The following ZHX2 variants were observed in gnomAD, a reference collection of about 807,000 sequenced individuals.
ZHX2 encodes the protein zinc fingers and homeoboxes protein 2.
A neutral mutation model predicts 21.9 loss-of-function variants in ZHX2; 6 were observed. The observed-to-expected ratio is 0.27, with a 90% CI of 0.15 to 0.54. The LOEUF (loss-of-function observed/expected upper bound fraction) is 0.54. Ranked by LOEUF, ZHX2 falls within the 20% of genes least tolerant of loss-of-function variation. The pLI is 0.95. For missense variants in ZHX2, 908 were observed against 1,090.7 expected (o/e 0.83, Z 2.36); for synonymous variants, 434 against 437.1 (o/e 0.99, Z 0.09).
intron 2 of ZHX2, among the ~76,000 whole-genome samples, chr8:122,884,459 C>T (rs1006348777): frequency 1.3e-5 from 2 of 152,228 alleles, no homozygotes; most frequent in Non-Finnish European, 2.9e-5. Flanking sequence ...GAAGAAAGTT[C>T]ATTGGGGTGG....
intron 2 of ZHX2, among the ~76,000 whole-genome samples, chr8:122,879,972 C>CTTTTTACCT (rs1819667225): frequency 7.9e-6 from 1 of 126,404 alleles, no homozygotes; most frequent in African/African-American, 2.9e-5. Flanking sequence ...CTATTGTTAC[C>CTTTTTACCT]TTTTTTTTTT....
At chr8:122,805,739 C>G (rs183118882) in intron 1 of ZHX2, among the ~76,000 whole-genome samples, 2,169 of 138,684 alleles carry the variant, frequency 0.016, 55 homozygotes, top group African/African-American at 0.054. Context: ...ATCGAAATTT[C>G]TAAGTTGTGT....
At chr8:122,934,599 G>GTTCCTTCC (rs1381878356) in intron 2 of ZHX2, among the ~76,000 whole-genome samples, 17 of 150,730 alleles carry the variant, frequency 1.1e-4, no homozygotes, top group Admixed American at 9.9e-4. Context: ...TGGGTGCAAA[G>GTTCCTTCC]TTCCTTCCTT....
intron 2 of ZHX2, among the ~76,000 whole-genome samples, chr8:122,944,294 C>G (rs911338920): frequency 6.6e-6 from 1 of 152,166 alleles, no homozygotes; most frequent in Non-Finnish European, 1.5e-5. Flanking sequence ...GTAGTCACAG[C>G]TGCTTTGCAG....
intron 1 of ZHX2, among the ~76,000 whole-genome samples, chr8:122,831,151 T>G (rs1383055970): frequency 6.6e-6 from 1 of 152,220 alleles, no homozygotes; most frequent in Non-Finnish European, 1.5e-5. Context: ...TCGGGAATGC[T>G]TCTACTTATC....
intron 1 of ZHX2, among the ~76,000 whole-genome samples, chr8:122,802,443 C>T (rs1817738358): frequency 6.6e-6 from 1 of 152,212 alleles, no homozygotes; most frequent in African/African-American, 2.4e-5. Flanking sequence ...GCAGGTAAGA[C>T]CTGTTGCTGT....
intron 1 of ZHX2, among the ~76,000 whole-genome samples, chr8:122,854,396 T>C (rs971659657): frequency 3.9e-5 from 6 of 152,192 alleles, no homozygotes; most frequent in African/African-American, 1.2e-4. Context: ...TCCTTGTAGA[T>C]AGGAGAAACT....
intron 2 of ZHX2, among the ~76,000 whole-genome samples, chr8:122,901,173 G>A (rs1052509025): frequency 2.6e-5 from 4 of 152,176 alleles, no homozygotes; most frequent in African/African-American, 9.7e-5. Context: ...TCATAATGGT[G>A]CTGTATAAAT....
intron 2 of ZHX2, among the ~76,000 whole-genome samples, chr8:122,878,729 C>G (rs1452843092): frequency 6.6e-6 from 1 of 152,108 alleles, no homozygotes; most frequent in Non-Finnish European, 1.5e-5. Context: ...ATACAGGGAA[C>G]AGTAAAGCAC....
At chr8:122,938,610 G>A (rs1417141166) in intron 2 of ZHX2, among the ~76,000 whole-genome samples, 2 of 152,152 alleles carry the variant, frequency 1.3e-5, no homozygotes, top group Non-Finnish European at 2.9e-5. Context: ...GCTGAGGCAG[G>A]CAGATTGCCT....
chr8:122,946,010 G>A (rs138298144), intron 2 of ZHX2, among the ~76,000 whole-genome samples: 5 of 152,164 alleles, frequency 3.3e-5, no homozygotes, highest in Admixed American at 2.6e-4. Flanking sequence ...GTTCAGACCC[G>A]CTGAGACACT....
chr8:122,907,578 A>G (rs187007166), intron 2 of ZHX2, among the ~76,000 whole-genome samples: 253 of 152,302 alleles, frequency 1.7e-3, no homozygotes, highest in African/African-American at 4.9e-3. Context: ...TTCCCTTCAC[A>G]TTCAAAATGA....
Position 122,812,263 on chromosome 8 carries a change from G to T in ZHX2, c.-283+30317G>T, listed in dbSNP as rs569658076. Among the ~76,000 whole-genome samples, 134 of 152,332 alleles carry T rather than the reference G, an allele frequency of 8.8e-4. 2 individuals carry two copies. The highest frequency in any genetic ancestry group is 2.8e-3 in the African/African-American group (116 of 41,566). On this transcript the variant is annotated intron_variant, in intron 1 of 3. Transcript: ENST00000314393. The stretch of plus-strand genomic sequence containing the variant: ...ATGCATTCTGGAGATGTGGGAGCCA[G>T]ATGGAAAAGAGCCTTATGGGCCACG...
intron 2 of ZHX2, among the ~76,000 whole-genome samples, chr8:122,923,366 A>G (rs1021493131): frequency 2.0e-5 from 3 of 152,232 alleles, no homozygotes; most frequent in African/African-American, 2.4e-5. Context: ...GCTTCCTCAC[A>G]GCATGGTGGC....
intron 3 of ZHX2, among the ~76,000 whole-genome samples, chr8:122,957,634 A>T (rs1173115320): frequency 6.6e-6 from 1 of 151,868 alleles, no homozygotes; most frequent in Admixed American, 6.6e-5. Context: ...TACCCAGCTA[A>T]TTTTTCTATT....
At chr8:122,823,980 CTG>C (rs952863657) in intron 1 of ZHX2, among the ~76,000 whole-genome samples, 1 of 152,240 alleles carries the variant, frequency 6.6e-6, no homozygotes, top group African/African-American at 2.4e-5. Context: ...TAATAAAACA[CTG>C]TGTCGAATGA....
chr8:122,916,077 C>T (rs1317195295), intron 2 of ZHX2, among the ~76,000 whole-genome samples: 1 of 152,222 alleles, frequency 6.6e-6, no homozygotes, highest in Non-Finnish European at 1.5e-5. Flanking sequence ...CAGTGGGTTT[C>T]AACGGCCTGC....
intron 2 of ZHX2, among the ~76,000 whole-genome samples, chr8:122,907,960 C>T (rs533521722): frequency 1.4e-4 from 22 of 152,290 alleles, no homozygotes; most frequent in African/African-American, 3.9e-4. Context: ...GATCTCCAGA[C>T]AGTTTAGAGG....
chr8:122,881,346 A>G (rs1041606332), intron 2 of ZHX2, among the ~76,000 whole-genome samples: 2 of 152,284 alleles, frequency 1.3e-5, no homozygotes, highest in African/African-American at 4.8e-5. Flanking sequence ...CTTTGATCAA[A>G]ATCTTAGGTT....
Sources: gnomAD v4.1 joint callset for allele counts (sites outside exome capture counted in the v4.1 genomes callset) on GRCh38, gnomAD v4.1.1 for gene constraint, MANE v1.5 for transcripts, NCBI Gene and HGNC (gene_info 2026-07-23, HGNC 2026-07-21) for gene names.